The following SLC38A8 variants were observed in gnomAD, a reference collection of about 807,000 sequenced individuals.
The protein encoded by SLC38A8 is amino acid transporter SLC38A8.
SLC38A8 carries 65 observed loss-of-function variants against 46.0 expected under a neutral mutation model. That is an observed-to-expected ratio of 1.41 (90% CI 1.16 to 1.74). The LOEUF (loss-of-function observed/expected upper bound fraction) is 1.74. Among genes scored for constraint, SLC38A8 ranks in the 40% most tolerant of loss-of-function variants. The pLI is 0.00. For missense variants in SLC38A8, 998 were observed against 567.9 expected (o/e 1.76, Z -7.70); for synonymous variants, 447 against 243.7 (o/e 1.83, Z -7.77).
intron 9 of SLC38A8, among the ~76,000 whole-genome samples, chr16:84,013,433 T>TG (rs1555551874): frequency 3.1e-5 from 4 of 128,466 alleles, no homozygotes; most frequent in Non-Finnish European, 4.9e-5. Flanking sequence ...TGTTTTTTTT[T>TG]TTTTTTTTTT....
chr16:84,017,242 A>T lies in SLC38A8; in HGVS notation c.851T>A (p.Val284Asp). ...LTFGTEVSAD[V>D]LMSYPGNDMV... is the part of the protein sequence containing the mutation. ...ATCATTGCCTGGGTAGGACATCAAG[A>T]CGTCAGCAGAAACTTCTGTCCCAAA... The change falls in exon 8 of 11, where the codon GTC (valine) becomes GAC (aspartate). Residue 284 changes from valine to aspartate, a missense_variant. Physicochemically the swap from Val to Asp is radical, Grantham distance 152 (BLOSUM62 -3). Coordinates refer to ENST00000299709, the MANE Select transcript of SLC38A8 (RefSeq NM_001080442.3). 6.2e-7 allele frequency: 1 copy of T among 1,614,082 alleles called. No individual in the cohort carries two copies. Among genetic ancestry groups the T allele is most frequent in the South Asian group, 1.1e-5 (1 of 91,080 alleles).
At position 84,024,506 on chromosome 16, in the gene SLC38A8, A is replaced by C. The variant is rs534916554; in HGVS notation, c.691-1617T>G. Among the ~76,000 whole-genome samples the C allele has an allele frequency of 1.6e-4, 24 of 151,826 alleles. No homozygotes were observed. The East Asian group carries it at 3.2e-3, about 20-fold the overall frequency. ...GATAAGAATTTTAAACGCAGGAGGG[A>C]GCGGTGGCTCACGCCTGTAATCCCA... is the stretch of plus-strand genomic sequence containing the variant. On this transcript the variant is annotated intron_variant, in intron 6 of 10. Transcript: ENST00000299709.
At chr16:84,018,721 G>C (rs575239762) in intron 7 of SLC38A8, among the ~76,000 whole-genome samples, 3 of 152,230 alleles carry the variant, frequency 2.0e-5, no homozygotes, top group African/African-American at 7.2e-5. Context: ...CTTGTCATTG[G>C]GATCTTAACA....
At chr16:84,027,210 C>T (rs568971689) in intron 6 of SLC38A8, among the ~76,000 whole-genome samples, 10 of 152,186 alleles carry the variant, frequency 6.6e-5, no homozygotes, top group African/African-American at 2.2e-4. Context: ...ATTAGCTGGA[C>T]GTGGTGACAG....
chr16:84,035,114 C>T (rs1005513258), intron 3 of SLC38A8, among the ~76,000 whole-genome samples: 1 of 152,212 alleles, frequency 6.6e-6, no homozygotes, highest in East Asian at 1.9e-4. Flanking sequence ...GGCCCGTATC[C>T]TCATCCGTCC....
At chr16:84,028,944 C>T (rs1181996813) in intron 6 of SLC38A8, among the ~76,000 whole-genome samples, 1 of 152,128 alleles carries the variant, frequency 6.6e-6, no homozygotes, top group Non-Finnish European at 1.5e-5. Context: ...ACATATAGCC[C>T]CGTCCTCCCT....
intron 2 of SLC38A8, among the ~76,000 whole-genome samples, chr16:84,038,068 C>A (rs896528472): frequency 1.3e-5 from 2 of 151,920 alleles, no homozygotes; most frequent in African/African-American, 2.4e-5. Flanking sequence ...CCCAGCACTT[C>A]GGGAGGCCAA....
chr16:84,013,727 C>A (rs1412602065), intron 9 of SLC38A8, among the ~76,000 whole-genome samples: 1 of 138,382 alleles, frequency 7.2e-6, no homozygotes, highest in Non-Finnish European at 1.5e-5. Context: ...CTGCACCCAG[C>A]CCTTTTTTTT....
intron 10 of SLC38A8, among the ~76,000 whole-genome samples, chr16:84,011,560 C>T (rs2084953661): frequency 6.6e-6 from 1 of 152,322 alleles, no homozygotes; most frequent in South Asian, 2.1e-4. Flanking sequence ...TTAACATTAT[C>T]TGGGATGGGG....
Position 84,033,317 on chromosome 16 carries a change from C to G in SLC38A8, c.530+11G>C, listed in dbSNP as rs560215792. On this transcript the variant is annotated intron_variant, in intron 4 of 10. Transcript: ENST00000299709. ...GTGGGGGCCCCCACCAGGCAGCATC[C>G]CAGCCCTTACCTTGTGTATTTCTGG... The G allele has an allele frequency of 6.2e-7, 1 of 1,614,028 alleles. No homozygotes were observed. The highest frequency in any genetic ancestry group is 2.2e-5 in the East Asian group (1 of 44,846).
chr16:84,026,114 G>T (rs1013702829), intron 6 of SLC38A8, among the ~76,000 whole-genome samples: 4 of 152,252 alleles, frequency 2.6e-5, no homozygotes, highest in African/African-American at 7.2e-5. Context: ...CTGCGTATAG[G>T]GGCACAGCTG....
intron 2 of SLC38A8, among the ~76,000 whole-genome samples, chr16:84,038,265 C>T (rs1046006206): frequency 6.6e-5 from 10 of 151,568 alleles, no homozygotes; most frequent in African/African-American, 2.2e-4. Flanking sequence ...AAGCTGAGAT[C>T]GTGCCACTGT....
At chr16:84,028,004 C>T (rs964073291) in intron 6 of SLC38A8, among the ~76,000 whole-genome samples, 3 of 151,690 alleles carry the variant, frequency 2.0e-5, no homozygotes, top group Non-Finnish European at 2.9e-5. Context: ...TGAAGCAGCA[C>T]GCCGACTGAT....
In SLC38A8 at chr16:84,042,091, T is replaced by G. The variant is rs773088019; in HGVS notation, c.67A>C (p.Thr23Pro). The part of the protein sequence containing the change: ...EKPHPATAAA[T>P]LSSMGAVFIL... ...AAGACAGCGCCCATCGAGGACAGAG[T>G]GGCAGCAGCCGTGGCAGGGTGAGGC... Residue 23 changes from threonine (T) to proline (P), a missense_variant, in exon 2 of 11, where the codon ACT becomes CCT. Transcript: ENST00000299709. The G allele has an allele frequency of 1.4e-5, 22 of 1,613,096 alleles. No homozygotes were observed. Among genetic ancestry groups the G allele is most frequent in the Non-Finnish European group, 1.7e-5 (20 of 1,179,714 alleles).
intron 5 of SLC38A8, among the ~76,000 whole-genome samples, 181 bp downstream of exon 5, chr16:84,031,686 C>A (rs1238248851): frequency 6.8e-6 from 1 of 147,302 alleles, no homozygotes; most frequent in Non-Finnish European, 1.5e-5. Context: ...GGCCAGGTCC[C>A]TGCAGCAGAA....
chr16:84,042,257 C>T, intron 1 of SLC38A8, 98 bp from the exon 2 acceptor site: 1 of 1,334,364 alleles, frequency 7.5e-7, no homozygotes, highest in Non-Finnish European at 1.0e-6. Flanking sequence ...AGTGAGAGCT[C>T]CCTGAGCCGC....
chr16:84,026,576 G>A (rs186272372), intron 6 of SLC38A8, among the ~76,000 whole-genome samples: 1 of 152,328 alleles, frequency 6.6e-6, no homozygotes, highest in Non-Finnish European at 1.5e-5. Context: ...AGGGCAGGCA[G>A]TACCCAGGAG....
chr16:84,021,645 C>G (rs2085097599), intron 7 of SLC38A8, among the ~76,000 whole-genome samples: 1 of 152,238 alleles, frequency 6.6e-6, no homozygotes, highest in African/African-American at 2.4e-5. Context: ...TTCCAGCCTG[C>G]ACTCATTGCC....
chr16:84,039,309 G>T (rs1309450689), intron 2 of SLC38A8, among the ~76,000 whole-genome samples: 1 of 152,238 alleles, frequency 6.6e-6, no homozygotes, highest in Admixed American at 6.5e-5. Context: ...ACAGACACAT[G>T]CAATTGTAAA....
Sources: gnomAD v4.1 joint callset for allele counts (sites outside exome capture counted in the v4.1 genomes callset) on GRCh38, gnomAD v4.1.1 for gene constraint, MANE v1.5 for transcripts, NCBI Gene and HGNC (gene_info 2026-07-23, HGNC 2026-07-21) for gene names.